Variants in CADPS observed in about 807,000 individuals in gnomAD.
CADPS encodes calcium-dependent secretion activator 1.
CADPS carries 57 observed loss-of-function variants against 167.3 expected under a neutral mutation model. That is an observed-to-expected ratio of 0.34 (90% confidence interval 0.28 to 0.42). CADPS has a LOEUF of 0.42. Among genes scored for constraint, CADPS ranks in the 20% least tolerant of loss-of-function variants. The probability of loss-of-function intolerance (pLI) is 1.00; values close to 1 mark genes in which losing one functional copy is unlikely to be tolerated. For missense variants in CADPS, 1,414 were observed against 1,738.1 expected (o/e 0.81, Z 3.32); for synonymous variants, 676 against 635.3 (o/e 1.06, Z -0.96).
intron 28 of CADPS, among the ~76,000 whole-genome samples, chr3:62,427,983 G>T (rs2053108593): frequency 6.6e-6 from 1 of 152,292 alleles, no homozygotes; most frequent in South Asian, 2.1e-4. Flanking sequence ...AGCTTTGTTG[G>T]TATAACTGGC....
At chr3:62,867,332 C>A (rs766593199) in intron 1 of CADPS, among the ~76,000 whole-genome samples, 1 of 151,972 alleles carries the variant, frequency 6.6e-6, no homozygotes, top group Non-Finnish European at 1.5e-5. Context: ...GACCCAAGAC[C>A]CCTTTATCTG....
intron 6 of CADPS, among the ~76,000 whole-genome samples, chr3:62,639,874 C>T (rs988413635): frequency 6.6e-6 from 1 of 152,132 alleles, no homozygotes; most frequent in Non-Finnish European, 1.5e-5. Flanking sequence ...ACACATCAAG[C>T]CCCTCCCTAC....
intron 3 of CADPS, among the ~76,000 whole-genome samples, chr3:62,700,026 C>A (rs1339348309): frequency 6.6e-6 from 1 of 152,046 alleles, no homozygotes; most frequent in Admixed American, 6.5e-5. Flanking sequence ...GTTTGCCAAC[C>A]CCTATTCTAC....
At chr3:62,816,604 A>C (rs550216716) in intron 1 of CADPS, among the ~76,000 whole-genome samples, 12 of 151,940 alleles carry the variant, frequency 7.9e-5, no homozygotes. Context: ...TATTTAAAGC[A>C]GCCATGGCTA....
At chr3:62,578,825 G>A (rs1236265292) in intron 8 of CADPS, among the ~76,000 whole-genome samples, 5 of 152,136 alleles carry the variant, frequency 3.3e-5, no homozygotes, top group East Asian at 1.9e-4. Flanking sequence ...TCTAATTGAC[G>A]TTTATTGATA....
At chr3:62,865,593 C>G (rs886627220) in intron 1 of CADPS, among the ~76,000 whole-genome samples, 2 of 151,852 alleles carry the variant, frequency 1.3e-5, no homozygotes, top group African/African-American at 4.8e-5. Context: ...CTTGATAATT[C>G]AATTTATTTT....
intron 5 of CADPS, among the ~76,000 whole-genome samples, chr3:62,648,344 A>G (rs963242913): frequency 2.6e-5 from 4 of 152,188 alleles, no homozygotes; most frequent in Non-Finnish European, 5.9e-5. Context: ...TCTATATTTC[A>G]GATAATCAGC....
intron 21 of CADPS, among the ~76,000 whole-genome samples, chr3:62,487,400 G>T (rs1383070924): frequency 6.6e-6 from 1 of 152,200 alleles, no homozygotes; most frequent in East Asian, 1.9e-4. Flanking sequence ...CTGCCAGAAG[G>T]ATTGTGGGCA....
In CADPS at chr3:62,616,710, T is replaced by A. The variant is rs191596419; in HGVS notation, c.1326-23962A>T. The stretch of plus-strand genomic sequence containing the variant: ...TCAGCACTGTACATATAGCATATGG[T>A]ATATGTGCAACAGTCCTGTGATCGG... On this transcript the variant is annotated intron_variant, in intron 6 of 29. Coordinates refer to ENST00000383710, the MANE Select transcript of CADPS (RefSeq NM_003716.4). 1.6e-3 allele frequency among the ~76,000 whole-genome samples: 240 copies of A among 152,318 alleles called. 1 individual carries two copies. The Middle Eastern group carries it at 0.024, about 15-fold the overall frequency.
chr3:62,495,115 T>C (rs1478670414), intron 18 of CADPS, among the ~76,000 whole-genome samples: 2 of 152,350 alleles, frequency 1.3e-5, no homozygotes, highest in East Asian at 3.9e-4. Flanking sequence ...TAGATATTAA[T>C]AGCCCTGCAA....
intron 6 of CADPS, among the ~76,000 whole-genome samples, chr3:62,638,598 A>AATCTATGTAATCTAAT (rs2066806102): frequency 1.3e-5 from 2 of 152,146 alleles, no homozygotes; most frequent in African/African-American, 4.8e-5. Context: ...TTTCATAGCT[A>AATCTATGTAATCTAAT]CACAAGATTA....
intron 13 of CADPS, among the ~76,000 whole-genome samples, chr3:62,532,179 C>T (rs2073833157): frequency 6.6e-6 from 1 of 152,218 alleles, no homozygotes; most frequent in Non-Finnish European, 1.5e-5. Flanking sequence ...AACTCCTACA[C>T]ATGCTTTAGT....
rs1399711659 is a variant in CADPS at position 62,638,301 on chromosome 3, T to G, written c.1325+7421A>C. 2.6e-5 allele frequency among the ~76,000 whole-genome samples: 4 copies of G among 152,090 alleles called. No homozygotes were observed. In the South Asian group the frequency reaches 8.3e-4, roughly 31 times the overall value. On this transcript the variant is annotated intron_variant, in intron 6 of 29. Coordinates refer to ENST00000383710, the MANE Select transcript of CADPS (RefSeq NM_003716.4). ...TTTTCTTATTAGTGAGGATTTAGAA[T>G]TTCCCCCTCATTCTATCATTACAGG... is the stretch of plus-strand genomic sequence containing the variant.
rs1035027051 is a variant in CADPS at position 62,602,075 on chromosome 3, T to C, written c.1326-9327A>G. 1.2e-4 allele frequency among the ~76,000 whole-genome samples: 18 copies of C among 152,062 alleles called. No homozygotes were observed. The East Asian group carries it at 2.3e-3, about 20-fold the overall frequency. On this transcript the variant is annotated intron_variant, in intron 6 of 29. Coordinates refer to ENST00000383710, the MANE Select transcript of CADPS (RefSeq NM_003716.4). This position sits in a 1 kb window ranked among gnomAD's most constrained non-coding sequence, Gnocchi z 4.4. ...ACACAGTAATTTTCATTAGAATTTT[T>C]CCCCCCATGAACAAAAAACAACATT...
At chr3:62,826,550 G>A (rs1400903265) in intron 1 of CADPS, among the ~76,000 whole-genome samples, 1 of 152,144 alleles carries the variant, frequency 6.6e-6, no homozygotes, top group East Asian at 1.9e-4. Context: ...AGGGCAGAAA[G>A]TGGTCTGGGA....
intron 3 of CADPS, among the ~76,000 whole-genome samples, chr3:62,672,481 T>C (rs2075702357): frequency 6.6e-6 from 1 of 152,204 alleles, no homozygotes. Context: ...TGTTGCCATC[T>C]GGCTCCTGCA....
At chr3:62,528,097 T>C (rs17066524) in intron 13 of CADPS, among the ~76,000 whole-genome samples, 2,693 of 152,296 alleles carry the variant, frequency 0.018, 72 homozygotes, top group African/African-American at 0.06. Context: ...GGCTTCTCTT[T>C]AATTCAGATG....
chr3:62,706,875 A>C (rs1261074954), intron 3 of CADPS, among the ~76,000 whole-genome samples: 2 of 152,102 alleles, frequency 1.3e-5, no homozygotes, highest in Non-Finnish European at 2.9e-5. Flanking sequence ...GAGGGATGAG[A>C]AACTACTTAA....
intron 6 of CADPS, among the ~76,000 whole-genome samples, chr3:62,599,833 T>A (rs1268376454): frequency 2.6e-4 from 1 of 3,874 alleles, no homozygotes; most frequent in Non-Finnish European, 8.1e-4. Context: ...ATTATATATA[T>A]AATATATTAT....
Sources: allele counts gnomAD v4.1 joint callset (sites outside exome capture counted in the v4.1 genomes callset), GRCh38; gene constraint gnomAD v4.1.1; non-coding constraint Gnocchi (gnomAD v3.1); transcripts MANE v1.5; gene names NCBI Gene and HGNC (gene_info 2026-07-23, HGNC 2026-07-21).